BEAN1: variants seen among roughly 807,000 people sequenced by gnomAD.
BEAN1 encodes brain expressed associated with NEDD4 1, also known as protein BEAN1.
BEAN1 carries 17 observed loss-of-function variants against 17.7 expected under a neutral mutation model. That is an observed-to-expected ratio of 0.96 (90% CI 0.66 to 1.44). The LOEUF is 1.44. Among genes scored for constraint, BEAN1 ranks in the 40% most tolerant of loss-of-function variants. BEAN1 has a pLI of 0.00. For missense variants in BEAN1, 359 were observed against 374.1 expected, an observed-to-expected ratio of 0.96 and a Z score of 0.33; for synonymous variants, 142 against 151.8, an observed-to-expected ratio of 0.94 and a Z score of 0.47.
At chr16:66,484,561 T>C (rs1964058287), downstream of BEAN1, 1 of 453,566 alleles carries the variant, frequency 2.2e-6, no homozygotes, top group African/African-American at 2.0e-5. The surrounding 1 kb of genome is among the most constrained non-coding windows in gnomAD (Gnocchi z 4.2). Context: ...CCCAAGGAGA[T>C]GGAAGGTGAA....
At chr16:66,430,737 C>A (rs1208026770) in intron 1 of BEAN1, among the ~76,000 whole-genome samples, 1 of 152,214 alleles carries the variant, frequency 6.6e-6, no homozygotes, top group African/African-American at 2.4e-5. Context: ...TTACCTCCAA[C>A]ATCTATATAT....
downstream of BEAN1, chr16:66,485,636 G>C (rs1964078815): frequency 6.2e-6 from 1 of 161,822 alleles, no homozygotes; most frequent in South Asian, 1.7e-4. Context: ...AGTTGTGCCA[G>C]CCCAACATGT....
chr16:66,454,476 T>G (rs531795714), intron 2 of BEAN1, among the ~76,000 whole-genome samples: 1 of 152,220 alleles, frequency 6.6e-6, no homozygotes, highest in East Asian at 1.9e-4. Flanking sequence ...TTTGTCATTA[T>G]GAAATGTCTT....
Position 66,480,952 on chromosome 16 carries a change from G to A in BEAN1, c.*27G>A, listed in dbSNP as rs1963966616. Reference sequence around the variant, plus strand: ...GGACCCAGCCAGCCGGGTCCTGCTGGTCCCTACAGGCTGAACCACATTCTT... The same window carrying A: ...GGACCCAGCCAGCCGGGTCCTGCTGATCCCTACAGGCTGAACCACATTCTT... On this transcript the variant is annotated 3_prime_UTR_variant, in exon 5 of 5. Transcript: ENST00000536005. 2 of 1,406,134 alleles carry A rather than the reference G, an allele frequency of 1.4e-6. No homozygotes were observed. The highest frequency in any genetic ancestry group is 2.9e-5 in the African/African-American group (2 of 68,782). The allele number at this position is 1,406,134 out of a possible 1,614,324, so 87.1% of individuals were successfully genotyped here.
Position 66,434,458 on chromosome 16 carries a change from T to G in BEAN1, c.-82-3137T>G, listed in dbSNP as rs1403555725. 6.6e-6 allele frequency among the ~76,000 whole-genome samples: 1 copy of G among 151,998 alleles called. No individual in the cohort carries two copies. Among genetic ancestry groups the G allele is most frequent in the African/African-American group, 2.4e-5 (1 of 41,372 alleles). On this transcript the variant is annotated intron_variant, in intron 1 of 4. Transcript: ENST00000536005. This position sits in a 1 kb window ranked among gnomAD's most constrained non-coding sequence, Gnocchi z 4.3. ...TTTCTTCTGGGTCCTCCGGCAGAAA[T>G]CCTGGAGTGGGGGAAGGGAGAAGGA... is the stretch of plus-strand genomic sequence containing the variant.
chr16:66,459,045 C>A (rs995831906), intron 2 of BEAN1, among the ~76,000 whole-genome samples: 7 of 152,252 alleles, frequency 4.6e-5, no homozygotes, highest in Non-Finnish European at 1.0e-4. Context: ...GGCTAAGGAA[C>A]TCCCTGCAGT....
chr16:66,454,645 G>A (rs551992037), intron 2 of BEAN1, among the ~76,000 whole-genome samples: 1 of 149,758 alleles, frequency 6.7e-6, no homozygotes, highest in African/African-American at 2.5e-5. Context: ...ATACAGGTAG[G>A]TCTTGTCTTT....
At chr16:66,431,616 T>C (rs947746403) in intron 1 of BEAN1, among the ~76,000 whole-genome samples, 6 of 149,638 alleles carry the variant, frequency 4.0e-5, no homozygotes, top group Non-Finnish European at 7.5e-5. Context: ...TTTTTTTTTC[T>C]TTTACAAAAT....
At chr16:66,437,502 A>G in intron 1 of BEAN1, 93 bp from the exon 2 acceptor site, 1 of 711,368 alleles carries the variant, frequency 1.4e-6, no homozygotes, top group Non-Finnish European at 2.3e-6. Context: ...TCTCCCGCAG[A>G]GGTTGACAGC....
chr16:66,439,463 A>G (rs945309177), intron 2 of BEAN1, among the ~76,000 whole-genome samples: 5 of 152,170 alleles, frequency 3.3e-5, no homozygotes, highest in Admixed American at 3.3e-4. Flanking sequence ...AGCCTGGGAA[A>G]AGTCAAGGCT....
At chr16:66,448,652 T>G (rs1189725712) in intron 2 of BEAN1, among the ~76,000 whole-genome samples, 4 of 151,710 alleles carry the variant, frequency 2.6e-5, no homozygotes, top group African/African-American at 9.7e-5. Flanking sequence ...CAAAACCTCG[T>G]CTCTACTAAA....
intron 2 of BEAN1, among the ~76,000 whole-genome samples, chr16:66,464,554 G>A (rs1289855128): frequency 6.6e-6 from 1 of 152,084 alleles, no homozygotes; most frequent in Non-Finnish European, 1.5e-5. Flanking sequence ...TGTTGGCTAG[G>A]CTGGTTTCAA....
chr16:66,441,976 C>T (rs1368627833), intron 2 of BEAN1, among the ~76,000 whole-genome samples: 5 of 152,208 alleles, frequency 3.3e-5, no homozygotes, highest in Admixed American at 3.3e-4. Context: ...TTAACTCCCT[C>T]CTTTCAATTT....
chr16:66,485,853 G>T (rs2066507818), downstream of BEAN1: 1 of 152,378 alleles, frequency 6.6e-6, no homozygotes, highest in Non-Finnish European at 1.5e-5. Context: ...CCTTGAAAAG[G>T]ACCCTCCACT....
At chr16:66,442,165 C>A (rs1252568964) in intron 2 of BEAN1, among the ~76,000 whole-genome samples, 1 of 152,200 alleles carries the variant, frequency 6.6e-6, no homozygotes, top group Non-Finnish European at 1.5e-5. Flanking sequence ...GAGGACCTGC[C>A]TCAAGCCTTG....
At chr16:66,457,785 C>CAAA (rs60561438) in intron 2 of BEAN1, among the ~76,000 whole-genome samples, 3 of 137,458 alleles carry the variant, frequency 2.2e-5, no homozygotes, top group South Asian at 2.3e-4. Flanking sequence ...AAAAGTTGCC[C>CAAA]AAAAAAAAAA....
intron 4 of BEAN1, among the ~76,000 whole-genome samples, chr16:66,491,621 G>T (rs888637569): frequency 6.6e-6 from 1 of 152,148 alleles, no homozygotes. Context: ...CAGTTTCACA[G>T]AAGACAATTT....
chr16:66,494,236 C>T (rs370630551), downstream of BEAN1, among the ~76,000 whole-genome samples: 3 of 152,176 alleles, frequency 2.0e-5, no homozygotes, highest in Admixed American at 1.3e-4. Flanking sequence ...AAGCAGGGCA[C>T]GGGGGAAGAG....
intron 4 of BEAN1, chr16:66,478,926 C>T (rs561268740): frequency 1.3e-3 from 198 of 152,492 alleles, no homozygotes; most frequent in Non-Finnish European, 2.0e-3. Context: ...CAGGCGAGCA[C>T]GCGTGTGCCA....
Sources: gnomAD v4.1 joint callset for allele counts (sites outside exome capture counted in the v4.1 genomes callset) on GRCh38, gnomAD v4.1.1 for gene constraint, Gnocchi (gnomAD v3.1) non-coding constraint, MANE v1.5 for transcripts, NCBI Gene and HGNC (gene_info 2026-07-23, HGNC 2026-07-21) for gene names.